TNRC18: variants seen among roughly 807,000 people sequenced by gnomAD.
The protein encoded by TNRC18 is trinucleotide repeat containing 18, also known as trinucleotide repeat-containing gene 18 protein.
Under a neutral mutation model 226.7 loss-of-function variants are expected in TNRC18, and 69 were observed. The ratio of observed to expected loss-of-function variants is 0.30; its 90% CI spans 0.25 to 0.37. TNRC18 has a LOEUF of 0.37. Ranked by LOEUF, TNRC18 falls within the 10% of genes least tolerant of loss-of-function variation. The probability of loss-of-function intolerance (pLI) is 1.00; values close to 1 mark genes in which losing one functional copy is unlikely to be tolerated. For missense variants in TNRC18, 4,754 were observed against 4,256.6 expected, an observed-to-expected ratio of 1.12 and a Z score of -3.25; for synonymous variants, 2,449 against 1,927.6, an observed-to-expected ratio of 1.27 and a Z score of -7.09.
chr7:5,356,392 A>T (rs1232384784), intron 16 of TNRC18, among the ~76,000 whole-genome samples: 2 of 152,102 alleles, frequency 1.3e-5, no homozygotes, highest in Non-Finnish European at 2.9e-5. Flanking sequence ...GAACCCCTGC[A>T]TCCATAGCCG....
intron 16 of TNRC18, among the ~76,000 whole-genome samples, chr7:5,353,491 G>T (rs1275425163): frequency 6.7e-6 from 1 of 149,056 alleles, no homozygotes; most frequent in African/African-American, 2.5e-5. Context: ...CCCGGGAGGT[G>T]GAGGTTGCAG....
In TNRC18 at chr7:5,370,658, C is replaced by T. The variant is rs759134751; in HGVS notation, c.3936G>A (p.Glu1312=). Residue 1312 remains glutamate (E), a synonymous_variant, in exon 11 of 30, where the codon GAG becomes GAA. Coordinates refer to ENST00000430969, the MANE Select transcript of TNRC18 (RefSeq NM_001080495.3). Reference sequence around the variant, plus strand: ...AGGTGCTGCCGAGTACAGGCACGGCCTCTTGGGGCTCCAGGCTCGGGCACT... The same window carrying T: ...AGGTGCTGCCGAGTACAGGCACGGCTTCTTGGGGCTCCAGGCTCGGGCACT... ...EGQCPSLEPQ[E]AVPVLGSTCF... is the part of the protein sequence containing the mutation. 28 of 1,612,742 alleles carry T rather than the reference C, an allele frequency of 1.7e-5. No individual in the cohort carries two copies. The highest frequency in any genetic ancestry group is 1.2e-4 in the South Asian group (11 of 91,010).
rs375555396 is a variant in TNRC18 at position 5,388,375 on chromosome 7, G to A, written c.1449C>T (p.Ala483=). Residue 483 remains alanine (A), a synonymous_variant, in exon 5 of 30, where the codon GCC becomes GCT. Coordinates refer to ENST00000430969, the MANE Select transcript of TNRC18 (RefSeq NM_001080495.3). ...TGGCGGCCTGTTGGGCTGCAGGACCGGCTGGGCCGCGGGGCGCACGCTCGC... is the reference window on the plus strand; with the variant it reads ...TGGCGGCCTGTTGGGCTGCAGGACCAGCTGGGCCGCGGGGCGCACGCTCGC... The part of the protein sequence containing the change: ...RPCERAPRGP[A]GPAAQQAAKL... 23 of 1,545,152 alleles carry A rather than the reference G, an allele frequency of 1.5e-5. No homozygotes were observed. Among genetic ancestry groups the A allele is most frequent in the Non-Finnish European group, 1.8e-5 (21 of 1,150,448 alleles).
Position 5,421,185 on chromosome 7 carries a change from G to A in TNRC18, c.62C>T (p.Ser21Phe), listed in dbSNP as rs955991776. The change falls in exon 2 of 30, where the codon TCC (serine) becomes TTC (phenylalanine). Residue 21 changes from serine (S) to phenylalanine (F), a missense_variant. Transcript: ENST00000430969. ...SVHGPPPPLL[S>F]GLAMDSHRVG... ...GCGGTGGCTGTCCATGGCCAGGCCG[G>A]ACAGCAGCGGCGGCGGGGGACCGTG... 3 of 1,384,232 alleles carry A rather than the reference G, an allele frequency of 2.2e-6. No homozygotes were observed. Among genetic ancestry groups the A allele is most frequent in the Non-Finnish European group, 1.9e-6 (2 of 1,066,512 alleles). 85.7% of individuals were successfully genotyped at this position (1,384,232 alleles called of 1,614,324 possible). A position where few individuals can be genotyped will look rare whatever the true frequency, so the allele number is the denominator to read the frequency against.
rs375183525 is a variant in TNRC18, at chr7:5,313,724, C to T, written c.7167G>A (p.Ala2389=). Residue 2389 remains alanine (A), a synonymous_variant, in exon 27 of 30, where the codon GCG becomes GCA. Transcript: ENST00000430969. ...GACTGGGCTGCGGCGGTGCCGGGCG[C>T]GCCTTGGGGGCCTTGGCTCGCTTGT... ...PVDKRAKAPK[A]RPAPPQPSPA... 1.8e-4 allele frequency: 290 copies of T among 1,580,826 alleles called. No homozygotes were observed. The highest frequency in any genetic ancestry group is 2.2e-4 in the Non-Finnish European group (260 of 1,163,886).
At chr7:5,410,310 CAAAAA>C (rs1157425008) in intron 2 of TNRC18, among the ~76,000 whole-genome samples, 5 of 66,216 alleles carry the variant, frequency 7.6e-5, no homozygotes, top group Admixed American at 6.6e-4. Context: ...GACTCTGTCT[CAAAAA>C]AAAAAAAAAA....
chr7:5,422,641 C>T (rs1425505229), intron 1 of TNRC18, among the ~76,000 whole-genome samples: 2 of 152,160 alleles, frequency 1.3e-5, no homozygotes, highest in East Asian at 3.9e-4. Flanking sequence ...ACTCCGCGCC[C>T]AGCCCCCCGA....
At position 5,377,376 on chromosome 7, in the gene TNRC18, G is replaced by A. The variant is rs751398777; in HGVS notation, c.2456C>T (p.Pro819Leu). 1.8e-5 allele frequency: 28 copies of A among 1,580,542 alleles called. No homozygotes were observed. Among genetic ancestry groups the A allele is most frequent in the African/African-American group, 8.1e-5 (6 of 74,302 alleles). Residue 819 changes from proline to leucine, a missense_variant, in exon 7 of 30, where the codon CCC (proline) becomes CTC (leucine). Physicochemically the swap from Pro to Leu is moderately conservative, Grantham distance 98 (BLOSUM62 -3). Coordinates refer to ENST00000430969, the MANE Select transcript of TNRC18 (RefSeq NM_001080495.3). This position sits in a 1 kb window ranked among gnomAD's most constrained non-coding sequence, Gnocchi z 5.8. ...ACCCTGTGCCCCACACTCACCGTAG[G>A]GGTGTCCAGCGAGCCACATGGATGC... ...GNASMWLAGHPYGLGPPSLHQ... is the reference protein window; with the variant it reads ...GNASMWLAGHLYGLGPPSLHQ...
chr7:5,413,238 T>C (rs959852570), intron 2 of TNRC18, among the ~76,000 whole-genome samples: 1 of 152,156 alleles, frequency 6.6e-6, no homozygotes, highest in Non-Finnish European at 1.5e-5. Context: ...GACTGGTTCA[T>C]GCCGGGGAGC....
At position 5,324,545 on chromosome 7, in the gene TNRC18, G is replaced by A. The variant is rs1210125234; in HGVS notation, c.6301-190C>T. On this transcript the variant is annotated intron_variant, in intron 20 of 29. Coordinates refer to ENST00000430969, the MANE Select transcript of TNRC18 (RefSeq NM_001080495.3). This position sits in a 1 kb window ranked among gnomAD's most constrained non-coding sequence, Gnocchi z 4.8. ...GTGAAATGGGCCCAAAACCCAGCTG[G>A]CCCATGCTCAGTACTCGGTGCTCAA... Among the ~76,000 whole-genome samples, 1 of 152,150 alleles carries A rather than the reference G, an allele frequency of 6.6e-6. No homozygotes were observed. Among genetic ancestry groups the A allele is most frequent in the Non-Finnish European group, 1.5e-5 (1 of 68,026 alleles).
At chr7:5,311,236 T>C (rs1322363142) in intron 27 of TNRC18, among the ~76,000 whole-genome samples, 1 of 152,196 alleles carries the variant, frequency 6.6e-6, no homozygotes, top group Non-Finnish European at 1.5e-5. Context: ...GAGTGCACTG[T>C]GTGCAAGTGT....
chr7:5,395,070 G>T (rs1190736077), intron 2 of TNRC18, among the ~76,000 whole-genome samples: 1 of 152,270 alleles, frequency 6.6e-6, no homozygotes, highest in East Asian at 1.9e-4. Context: ...CCACCCTCCA[G>T]CCAGAGAATC....
At chr7:5,315,715 C>T (rs964646433) in intron 25 of TNRC18, among the ~76,000 whole-genome samples, 16 of 152,236 alleles carry the variant, frequency 1.1e-4, no homozygotes, top group African/African-American at 3.9e-4. Flanking sequence ...AGCCACCGCA[C>T]CCAGCCATTA....
At chr7:5,406,780 G>A (rs980488089) in intron 2 of TNRC18, among the ~76,000 whole-genome samples, 2 of 151,536 alleles carry the variant, frequency 1.3e-5, no homozygotes, top group African/African-American at 4.9e-5. Context: ...GAACCCAGGA[G>A]GCAGAGGTTG....
At chr7:5,345,269 T>C (rs1380133459) in intron 18 of TNRC18, among the ~76,000 whole-genome samples, 2 of 152,220 alleles carry the variant, frequency 1.3e-5, no homozygotes, top group Non-Finnish European at 2.9e-5. Context: ...GGGACCTCCA[T>C]GGAGCTCCCG....
intron 2 of TNRC18, chr7:5,419,784 C>G (rs2128224822): frequency 6.6e-6 from 1 of 152,176 alleles, no homozygotes; most frequent in South Asian, 2.1e-4. Flanking sequence ...GGCCCTTTGT[C>G]CCGCCGAGCC....
rs1162267589 is a variant in TNRC18 at position 5,394,593 on chromosome 7, C to T, written c.190G>A (p.Glu64Lys). 2 of 1,544,360 alleles carry T rather than the reference C, an allele frequency of 1.3e-6. No individual in the cohort carries two copies. The highest frequency in any genetic ancestry group is 4.1e-5 in the Admixed American group (2 of 48,644). Residue 64 changes from glutamate (E) to lysine (K), a missense_variant and splice_region_variant, in exon 3 of 30, where the codon GAG (glutamate) becomes AAG (lysine). Transcript: ENST00000430969. This position sits in a 1 kb window ranked among gnomAD's most constrained non-coding sequence, Gnocchi z 4.5. ...GCCACAAAGCTGCCCAAGAAGGCCTCGCCTGCAGAGAGAAGTTGGGAGGAC... is the reference window on the plus strand; with the variant it reads ...GCCACAAAGCTGCCCAAGAAGGCCTTGCCTGCAGAGAGAAGTTGGGAGGAC... ...AGLNLHPHPG[E>K]AFLGSFVASG...
rs1780563996 is a variant in TNRC18 at position 5,394,913 on chromosome 7, A to G, written c.188-318T>C. ...CACCCCTGCCGCCCAACCAGCCCAGATCCGGCCCGGCACCATTCTCCCCAT... is the reference window on the plus strand; with the variant it reads ...CACCCCTGCCGCCCAACCAGCCCAGGTCCGGCCCGGCACCATTCTCCCCAT... On this transcript the variant is annotated intron_variant, in intron 2 of 29. Transcript: ENST00000430969. The surrounding 1 kb of genome is among the most constrained non-coding windows in gnomAD (Gnocchi z 4.5). Among the ~76,000 whole-genome samples, 1 of 152,094 alleles carries G rather than the reference A, an allele frequency of 6.6e-6. No individual in the cohort carries two copies. Among genetic ancestry groups the G allele is most frequent in the South Asian group, 2.1e-4 (1 of 4,824 alleles).
Position 5,321,054 on chromosome 7 carries a change from G to C in TNRC18, c.6560+19C>G. 1 of 1,517,166 alleles carries C rather than the reference G, an allele frequency of 6.6e-7. No individual in the cohort carries two copies. Among genetic ancestry groups the C allele is most frequent in the Non-Finnish European group, 8.9e-7 (1 of 1,119,824 alleles). The allele number at this position is 1,517,166 out of a possible 1,614,324, so 94.0% of individuals were successfully genotyped here. On this transcript the variant is annotated intron_variant, in intron 22 of 29. Transcript: ENST00000430969. ...GTATGGGACACGGGGCTCTGTGCCG[G>C]ACCTCCCACCCCACTCACATGTCTG... is the stretch of plus-strand genomic sequence containing the variant.
Sources: gnomAD v4.1 joint callset for allele counts (sites outside exome capture counted in the v4.1 genomes callset) on GRCh38, gnomAD v4.1.1 for gene constraint, Gnocchi (gnomAD v3.1) non-coding constraint, MANE v1.5 for transcripts, NCBI Gene and HGNC (gene_info 2026-07-23, HGNC 2026-07-21) for gene names.